NBPF15: variants seen among roughly 807,000 people sequenced by gnomAD.
NBPF15 encodes NBPF family member NBPF15.
NBPF15 carries 74 observed loss-of-function variants against 62.2 expected under a neutral mutation model. The ratio of observed to expected loss-of-function variants is 1.19; its 90% CI spans 0.99 to 1.44. NBPF15 has a LOEUF of 1.44. Among genes scored for constraint, NBPF15 ranks in the 40% most tolerant of loss-of-function variants. The pLI is 0.00. For missense variants in NBPF15, 790 were observed against 550.0 expected (o/e 1.44, Z -4.36); for synonymous variants, 244 against 209.7 (o/e 1.16, Z -1.41).
intron 17 of NBPF15, among the ~76,000 whole-genome samples, chr1:144,426,662 G>A (rs1310472701): frequency 1.3e-5 from 2 of 151,362 alleles, no homozygotes; most frequent in Non-Finnish European, 3.0e-5. Flanking sequence ...GAGAGAGAGA[G>A]AGGAGAAAGT....
At chr1:144,448,006 C>A (rs1423130395) in intron 6 of NBPF15, among the ~76,000 whole-genome samples, 1 of 152,026 alleles carries the variant, frequency 6.6e-6, no homozygotes, top group Non-Finnish European at 1.5e-5. Flanking sequence ...CCAGACAGAG[C>A]CCACAAGCCT....
At position 144,435,122 on chromosome 1, in the gene NBPF15, T is replaced by G; in HGVS notation, c.761A>C (p.His254Pro). The part of the protein sequence containing the change: ...SSHVEWEDAV[H>P]IIPENESDDE... Reference sequence around the variant, plus strand: ...AAAACAGAGGCTACCTGGAATAATGTGTACAGCATCCTCCCATTCAACATG... The same window carrying G: ...AAAACAGAGGCTACCTGGAATAATGGGTACAGCATCCTCCCATTCAACATG... The change falls in exon 12 of 22, where the codon CAC becomes CCC. Residue 254 changes from histidine (H) to proline (P), a missense_variant. Coordinates refer to ENST00000581897, the MANE Select transcript of NBPF15 (RefSeq NM_001385408.1). 2 of 1,612,812 alleles carry G rather than the reference T, an allele frequency of 1.2e-6. No individual in the cohort carries two copies. The highest frequency in any genetic ancestry group is 1.7e-6 in the Non-Finnish European group (2 of 1,179,740).
At chr1:144,456,033 G>T in intron 4 of NBPF15, among the ~76,000 whole-genome samples, 1 of 152,034 alleles carries the variant, frequency 6.6e-6, no homozygotes, top group Middle Eastern at 3.4e-3. Flanking sequence ...TGGCAACTGA[G>T]CCATGTTTCC....
chr1:144,444,146 C>A (rs1266651261), intron 6 of NBPF15, among the ~76,000 whole-genome samples: 1 of 151,434 alleles, frequency 6.6e-6, no homozygotes. Context: ...TATCATTCCG[C>A]GTTTGGGCTA....
rs587768349 is a variant in NBPF15 at position 144,457,692 on chromosome 1, C to G, written c.-700-887G>C. ...AGCTTATGTTGAAAATGAGATTGAA[C>G]ACATACAAAATAATCATAATAACAA... On this transcript the variant is annotated intron_variant, in intron 3 of 21. Coordinates refer to ENST00000581897, the MANE Select transcript of NBPF15 (RefSeq NM_001385408.1). Among the ~76,000 whole-genome samples, 1,215 of 151,978 alleles carry G rather than the reference C, an allele frequency of 8.0e-3. 17 individuals are homozygous for G. Among genetic ancestry groups the G allele is most frequent in the African/African-American group, 0.028 (1,169 of 41,420 alleles).
intron 4 of NBPF15, among the ~76,000 whole-genome samples, chr1:144,455,543 G>A (rs1211390253): frequency 3.3e-5 from 5 of 151,966 alleles, no homozygotes; most frequent in Admixed American, 6.6e-5. Flanking sequence ...CCAAAAGAAT[G>A]AGATGAGACA....
rs1471574649 is a variant in NBPF15, at chr1:144,427,854, C to T, written c.1177G>A (p.Glu393Lys). The change falls in exon 16 of 22, where the codon GAG becomes AAG. Residue 393 changes from glutamate to lysine, a missense_variant. Glu to Lys is a moderately conservative substitution (Grantham distance 56). Transcript: ENST00000581897. ...ATAGCCAAGCCAACACGCTGTTGCTCCAATACGTAAAAGGCACTTCTGTAG... is the reference window on the plus strand; with the variant it reads ...ATAGCCAAGCCAACACGCTGTTGCTTCAATACGTAAAAGGCACTTCTGTAG... ...QPYRSAFYVL[E>K]QQRVGLAIDM... is the part of the protein sequence containing the mutation. 12 of 717,746 alleles carry T rather than the reference C, an allele frequency of 1.7e-5. No individual in the cohort carries two copies. The highest frequency in any genetic ancestry group is 1.4e-4 in the African/African-American group (8 of 56,228). The allele number at this position is 717,746 out of a possible 1,614,324, so 44.5% of individuals were successfully genotyped here.
At chr1:144,444,586 T>C (rs1435996267) in intron 6 of NBPF15, among the ~76,000 whole-genome samples, 1 of 151,850 alleles carries the variant, frequency 6.6e-6, no homozygotes, top group Non-Finnish European at 1.5e-5. Flanking sequence ...AGGAAGGTCT[T>C]CAGGACTCAG....
intron 13 of NBPF15, among the ~76,000 whole-genome samples, chr1:144,432,293 G>C (rs1674931807): frequency 6.6e-6 from 1 of 151,450 alleles, no homozygotes; most frequent in South Asian, 2.1e-4. Flanking sequence ...TGCCTTACAA[G>C]AGCTCCTAAA....
At position 144,426,462 on chromosome 1, in the gene NBPF15, G is replaced by A; in HGVS notation, c.1266-12C>T. 2 of 808,610 alleles carry A rather than the reference G, an allele frequency of 2.5e-6. No individual in the cohort carries two copies. The highest frequency in any genetic ancestry group is 1.7e-5 in the African/African-American group (1 of 59,614). The allele number at this position is 808,610 out of a possible 1,614,324, so 50.1% of individuals were successfully genotyped here. Reference sequence around the variant, plus strand: ...GCTCCCTGCTGAGCCTGGAAAAGTAGGAAAAAGTAAAGAATAAGCCAGGGA... The same window carrying A: ...GCTCCCTGCTGAGCCTGGAAAAGTAAGAAAAAGTAAAGAATAAGCCAGGGA... On this transcript the variant is annotated splice_polypyrimidine_tract_variant and intron_variant, in intron 17 of 21. Coordinates refer to ENST00000581897, the MANE Select transcript of NBPF15 (RefSeq NM_001385408.1).
intron 6 of NBPF15, among the ~76,000 whole-genome samples, chr1:144,445,654 C>A (rs1391090595): frequency 6.6e-6 from 1 of 150,860 alleles, no homozygotes; most frequent in Admixed American, 6.6e-5. Flanking sequence ...AAATTTCTAC[C>A]AAAATGCCGC....
chr1:144,425,782 G>A (rs1285612376), intron 18 of NBPF15, among the ~76,000 whole-genome samples: 1 of 7,014 alleles, frequency 1.4e-4, no homozygotes, highest in Non-Finnish European at 2.3e-4. Context: ...CTGGTAGATC[G>A]TTATCCCAAA....
rs1222452098 is a variant in NBPF15, at chr1:144,440,111, G to T, written c.-36+30C>A. ...TCAAATAGGTTTAATCAGGACTGAG[G>T]GATGTAAGTAACTGAAATTCTTAAC... On this transcript the variant is annotated intron_variant, in intron 7 of 21. Coordinates refer to ENST00000581897, the MANE Select transcript of NBPF15 (RefSeq NM_001385408.1). 3.2e-6 allele frequency: 5 copies of T among 1,579,888 alleles called. No homozygotes were observed. In the African/African-American group the frequency reaches 6.7e-5, roughly 21 times the overall value.
chr1:144,449,717 G>A (rs1689919043), intron 5 of NBPF15, among the ~76,000 whole-genome samples: 2 of 151,184 alleles, frequency 1.3e-5, no homozygotes, highest in Middle Eastern at 3.4e-3. Context: ...ATTTTGCCCA[G>A]CTCCATTTCC....
Position 144,440,004 on chromosome 1 carries a change from G to A in NBPF15, c.-1C>T. 13 of 1,607,308 alleles carry A rather than the reference G, an allele frequency of 8.1e-6. No homozygotes were observed. Among genetic ancestry groups the A allele is most frequent in the South Asian group, 1.1e-5 (1 of 90,866 alleles). Reference sequence around the variant, plus strand: ...ACAAAGGGCCGGCTGATACCACCATGCTGACGTTTGTGGCAGAAGAGGTGG... The same window carrying A: ...ACAAAGGGCCGGCTGATACCACCATACTGACGTTTGTGGCAGAAGAGGTGG... On this transcript the variant is annotated 5_prime_UTR_variant, in exon 8 of 22. Transcript: ENST00000581897.
rs1362815104 is a variant in NBPF15, at chr1:144,422,064, GA to G, written c.*948del. 3 of 127,648 alleles carry G rather than the reference GA, an allele frequency of 2.4e-5. No homozygotes were observed. Among genetic ancestry groups the G allele is most frequent in the Non-Finnish European group, 4.8e-5 (3 of 62,440 alleles). 7.9% of individuals were successfully genotyped at this position (127,648 alleles called of 1,614,324 possible). A position where few individuals can be genotyped will look rare whatever the true frequency, so the allele number is the denominator to read the frequency against. The stretch of plus-strand genomic sequence containing the variant: ...TCCATGACAACAACAAAAAGATGAG[GA>G]AATATTTGGGGTTCAAAATAACTAA... On this transcript the variant is annotated 3_prime_UTR_variant, in exon 22 of 22. Transcript: ENST00000581897.
In NBPF15 at chr1:144,423,986, T is replaced by C. The variant is rs1553538778; in HGVS notation, c.1664-11A>G. On this transcript the variant is annotated splice_polypyrimidine_tract_variant and intron_variant, in intron 20 of 21. Coordinates refer to ENST00000581897, the MANE Select transcript of NBPF15 (RefSeq NM_001385408.1). ...CCTTCTTTTCAATTTCTGCAATAAA[T>C]TCAGACATGGACAGACACATTAAGC... The C allele has an allele frequency of 1.0e-5, 8 of 764,718 alleles. No homozygotes were observed. In the East Asian group the frequency reaches 1.7e-4, roughly 16 times the overall value. The allele number at this position is 764,718 out of a possible 1,614,324, so 47.4% of individuals were successfully genotyped here.
At position 144,427,088 on chromosome 1, in the gene NBPF15, C is replaced by T. The variant is rs1310572715; in HGVS notation, c.1224G>A (p.Lys408=). ...CTTGGTCTTCTTCCACTTCTTGGTA[C>T]TTTTCAATTTCTGCAATAAGTTCAG... The part of the protein sequence containing the change: ...GLAIDMDEIE[K]YQEVEEDQDP... The change falls in exon 17 of 22, where the codon AAG becomes AAA. Residue 408 remains lysine (K), a synonymous_variant. Transcript: ENST00000581897. The T allele has an allele frequency of 2.9e-5, 17 of 579,216 alleles. No individual in the cohort carries two copies. The highest frequency in any genetic ancestry group is 6.9e-5 in the African/African-American group (3 of 43,628). The allele number at this position is 579,216 out of a possible 1,614,324, so 35.9% of individuals were successfully genotyped here. A position where few individuals can be genotyped will look rare whatever the true frequency, so the allele number is the denominator to read the frequency against.
At chr1:144,423,344 T>G in intron 21 of NBPF15, 88 bp from the exon 22 acceptor site, 4 of 1,603,710 alleles carry the variant, frequency 2.5e-6, no homozygotes, top group Non-Finnish European at 3.4e-6. Flanking sequence ...TATAAGGAAG[T>G]GGTTAGAAAA....
Sources: gnomAD v4.1 joint callset for allele counts (sites outside exome capture counted in the v4.1 genomes callset) on GRCh38, gnomAD v4.1.1 for gene constraint, MANE v1.5 for transcripts, NCBI Gene and HGNC (gene_info 2026-07-23, HGNC 2026-07-21) for gene names.